The following CD247 variants were observed in gnomAD, a reference collection of about 807,000 sequenced individuals.
CD247 encodes CD247 molecule.
Under a neutral mutation model 30.0 loss-of-function variants are expected in CD247, and 13 were observed. The ratio of observed to expected loss-of-function variants is 0.43; its 90% CI spans 0.28 to 0.69. The LOEUF (loss-of-function observed/expected upper bound fraction) is 0.69, where lower values mean the gene tolerates loss of function less well. Ranked by LOEUF, CD247 falls within the 30% of genes least tolerant of loss-of-function variation. The pLI is 0.16. For synonymous variants in CD247, 72 were observed against 80.0 expected (o/e 0.90, Z 0.53); for missense variants, 193 against 212.6 (o/e 0.91, Z 0.57).
At chr1:167,478,306 T>C (rs946247357) in intron 1 of CD247, among the ~76,000 whole-genome samples, 14 of 152,210 alleles carry the variant, frequency 9.2e-5, no homozygotes, top group Admixed American at 6.5e-5. Context: ...ACGCAGTTAA[T>C]GGGACATGGA....
intron 1 of CD247, among the ~76,000 whole-genome samples, chr1:167,495,107 C>A (rs147292418): frequency 2.3e-4 from 35 of 152,294 alleles, no homozygotes; most frequent in African/African-American, 8.4e-4. Flanking sequence ...CAAAGTCCAG[C>A]GTAAGAAAAA....
intron 1 of CD247, among the ~76,000 whole-genome samples, chr1:167,497,029 C>T (rs1654721127): frequency 6.6e-6 from 1 of 152,166 alleles, no homozygotes; most frequent in Admixed American, 6.5e-5. Flanking sequence ...GATGTATGCA[C>T]AGGAATGTCC....
chr1:167,517,082 C>G (rs1352195719), intron 1 of CD247, among the ~76,000 whole-genome samples: 3 of 152,200 alleles, frequency 2.0e-5, no homozygotes, highest in Non-Finnish European at 4.4e-5. Context: ...CCCCTTGTCC[C>G]CAGCACACAA....
chr1:167,446,732 G>A (rs1003884341), intron 1 of CD247, among the ~76,000 whole-genome samples: 10 of 152,190 alleles, frequency 6.6e-5, no homozygotes, highest in Admixed American at 5.2e-4. Context: ...GGTGGCTCAC[G>A]CCTATAATCC....
intron 1 of CD247, chr1:167,458,681 CTTTCTTTCTTTTTTTTT>C (rs1282540336): frequency 9.4e-6 from 1 of 106,038 alleles, no homozygotes; most frequent in South Asian, 2.9e-4. Context: ...TTCTTTCTTT[CTTTCTTTCTTTTTTTTT>C]TTTTTTTTTT....
At chr1:167,513,286 C>T (rs1001302354) in intron 1 of CD247, among the ~76,000 whole-genome samples, 2 of 151,336 alleles carry the variant, frequency 1.3e-5, no homozygotes, top group Non-Finnish European at 3.0e-5. Flanking sequence ...TATGATATGA[C>T]TTATGTTTTT....
intron 1 of CD247, among the ~76,000 whole-genome samples, chr1:167,481,171 C>T (rs982970279): frequency 1.3e-5 from 2 of 152,260 alleles, no homozygotes; most frequent in Admixed American, 6.5e-5. Context: ...CATGTGGTCT[C>T]AGCTACTTAG....
At chr1:167,457,867 A>T (rs1470264060) in intron 1 of CD247, 1 of 152,240 alleles carries the variant, frequency 6.6e-6, no homozygotes, top group African/African-American at 2.4e-5. Context: ...GCAGGACTGT[A>T]GGAAGCCCAG....
intron 1 of CD247, among the ~76,000 whole-genome samples, chr1:167,461,882 A>G (rs1653032761): frequency 6.6e-6 from 1 of 152,168 alleles, no homozygotes; most frequent in Admixed American, 6.5e-5. Context: ...GATGCCTTGT[A>G]TTAACCTCCC....
chr1:167,507,300 G>A (rs1378514772), intron 1 of CD247, among the ~76,000 whole-genome samples: 1 of 151,892 alleles, frequency 6.6e-6, no homozygotes, highest in Non-Finnish European at 1.5e-5. Context: ...AAAGTTGGTA[G>A]AGAAAGACCA....
chr1:167,438,146 T>C (rs953311687), intron 4 of CD247, among the ~76,000 whole-genome samples: 2 of 152,092 alleles, frequency 1.3e-5, no homozygotes, highest in African/African-American at 2.4e-5. Flanking sequence ...ACAGGTATAG[T>C]GTCTACAAAG....
intron 1 of CD247, among the ~76,000 whole-genome samples, chr1:167,448,673 A>G (rs1652202804): frequency 6.6e-6 from 1 of 152,188 alleles, no homozygotes; most frequent in African/African-American, 2.4e-5. Flanking sequence ...CAGCCTGGCC[A>G]ACAGGGTGAA....
chr1:167,446,430 C>G (rs1290208253), intron 1 of CD247, among the ~76,000 whole-genome samples: 1 of 152,206 alleles, frequency 6.6e-6, no homozygotes, highest in East Asian at 1.9e-4. Flanking sequence ...TGTTTTGGAA[C>G]AGTTTTCTTA....
chr1:167,440,518 C>A, intron 2 of CD247, 146 bp downstream of exon 2: 1 of 688,938 alleles, frequency 1.5e-6, no homozygotes, highest in Non-Finnish European at 2.6e-6. Context: ...CCACTCAAGG[C>A]ACACACTTGG....
intron 1 of CD247, among the ~76,000 whole-genome samples, chr1:167,516,172 C>T (rs1655598683): frequency 6.6e-6 from 1 of 152,252 alleles, no homozygotes; most frequent in Admixed American, 6.5e-5. Flanking sequence ...CATCTCCTCA[C>T]TGATAAAAGA....
chr1:167,505,928 G>C (rs1369394367), intron 1 of CD247, among the ~76,000 whole-genome samples: 1 of 152,248 alleles, frequency 6.6e-6, no homozygotes, highest in Non-Finnish European at 1.5e-5. Flanking sequence ...GCTGGCTCCA[G>C]AAGTGCCATT....
At chr1:167,433,725 G>A (rs1042365824) in intron 6 of CD247, among the ~76,000 whole-genome samples, 2 of 152,160 alleles carry the variant, frequency 1.3e-5, no homozygotes, top group Admixed American at 6.5e-5. Flanking sequence ...CACTGAACAC[G>A]GCAGCACATA....
chr1:167,509,634 G>A (rs946192569), intron 1 of CD247, among the ~76,000 whole-genome samples: 3 of 152,258 alleles, frequency 2.0e-5, no homozygotes, highest in African/African-American at 2.4e-5. Context: ...TCTGGGTGCC[G>A]AGTCTCTTCT....
intron 1 of CD247, among the ~76,000 whole-genome samples, chr1:167,461,055 A>G (rs1034358212): frequency 6.6e-6 from 1 of 152,168 alleles, no homozygotes; most frequent in Admixed American, 6.5e-5. Flanking sequence ...AGGCCCCACA[A>G]AGCCTGCCGT....
Sources: allele counts gnomAD v4.1 joint callset (sites outside exome capture counted in the v4.1 genomes callset), GRCh38; gene constraint gnomAD v4.1.1; transcripts MANE v1.5; gene names NCBI Gene and HGNC (gene_info 2026-07-23, HGNC 2026-07-21).